The following FANCC variants were observed in gnomAD, a reference collection of about 807,000 sequenced individuals.
FANCC encodes FA complementation group C.
In FANCC, 55 loss-of-function variants were observed where a neutral mutation model predicts 71.3. The observed-to-expected ratio is 0.77, with a 90% CI of 0.62 to 0.97. The LOEUF (loss-of-function observed/expected upper bound fraction) is 0.97. Among genes scored for constraint, FANCC ranks in the 50% least tolerant of loss-of-function variants. The pLI is 0.00. For synonymous variants in FANCC, 275 were observed against 244.9 expected (o/e 1.12, Z -1.15); for missense variants, 678 against 670.9 (o/e 1.01, Z -0.12).
chr9:95,285,559 A>C (rs1262765231), intron 1 of FANCC, among the ~76,000 whole-genome samples: 1 of 152,202 alleles, frequency 6.6e-6, no homozygotes, highest in Non-Finnish European at 1.5e-5. Context: ...TTGACTATAA[A>C]ATCAGTGATT....
chr9:95,303,247 A>AT (rs1487462518), intron 1 of FANCC, among the ~76,000 whole-genome samples: 1 of 152,246 alleles, frequency 6.6e-6, no homozygotes, highest in African/African-American at 2.4e-5. Context: ...TTATATAATT[A>AT]AACGTACCTA....
intron 4 of FANCC, among the ~76,000 whole-genome samples, chr9:95,219,103 G>A (rs528345833): frequency 6.6e-6 from 1 of 152,146 alleles, no homozygotes; most frequent in African/African-American, 2.4e-5. Context: ...CTCAGAGTTC[G>A]GATGGGAATG....
chr9:95,288,845 A>G (rs972408161), intron 1 of FANCC, among the ~76,000 whole-genome samples: 27 of 151,586 alleles, frequency 1.8e-4, no homozygotes, highest in Non-Finnish European at 8.8e-5. Flanking sequence ...GTGTAACCCT[A>G]GTACTTAGGG....
chr9:95,149,379 C>T (rs1470158494), intron 7 of FANCC, among the ~76,000 whole-genome samples: 1 of 152,028 alleles, frequency 6.6e-6, no homozygotes, highest in Non-Finnish European at 1.5e-5. Context: ...TACAACAAAA[C>T]CCTATGACAT....
chr9:95,253,169 C>A (rs979495330), intron 1 of FANCC, among the ~76,000 whole-genome samples: 8 of 152,168 alleles, frequency 5.3e-5, no homozygotes, highest in African/African-American at 1.9e-4. Flanking sequence ...CCTCAATATG[C>A]TGCTCCACAA....
At position 95,294,087 on chromosome 9, in the gene FANCC, T is replaced by C. The variant is rs149055262; in HGVS notation, c.-79+23439A>G. 5.2e-5 allele frequency: 84 copies of C among 1,610,948 alleles called. 1 individual carries two copies. The Middle Eastern group carries it at 2.6e-3, about 51-fold the overall frequency. On this transcript the variant is annotated intron_variant, in intron 1 of 14. Transcript: ENST00000289081. ...TTCCTTCACAGAACATGACAGATAA[T>C]CAGACCCAAACCATAGATTTATTAA...
intron 4 of FANCC, among the ~76,000 whole-genome samples, chr9:95,229,988 A>T (rs949257829): frequency 3.9e-5 from 6 of 152,210 alleles, no homozygotes; most frequent in African/African-American, 1.4e-4. Flanking sequence ...TTACAACACA[A>T]AACAAAAAAG....
intron 8 of FANCC, among the ~76,000 whole-genome samples, chr9:95,129,690 A>C (rs1476096877): frequency 1.3e-5 from 2 of 152,158 alleles, no homozygotes; most frequent in Non-Finnish European, 2.9e-5. Context: ...CTGGCCTAAC[A>C]ATTTCCACAG....
intron 6 of FANCC, among the ~76,000 whole-genome samples, chr9:95,154,105 G>A (rs914981461): frequency 4.6e-5 from 7 of 151,850 alleles, no homozygotes; most frequent in South Asian, 4.2e-4. Context: ...AATTAGCCAG[G>A]CATGGTGGTG....
At chr9:95,160,956 C>A (rs1830713631) in intron 6 of FANCC, among the ~76,000 whole-genome samples, 1 of 152,236 alleles carries the variant, frequency 6.6e-6, no homozygotes, top group Admixed American at 6.5e-5. Flanking sequence ...TCTAAATATA[C>A]AATCATGTCA....
chr9:95,129,783 C>A (rs1005055634), intron 8 of FANCC, among the ~76,000 whole-genome samples: 1 of 152,134 alleles, frequency 6.6e-6, no homozygotes, highest in South Asian at 2.1e-4. Flanking sequence ...CTTATCTCCC[C>A]CCTCAGGCTT....
At chr9:95,244,512 T>TAG (rs1830824284) in intron 3 of FANCC, among the ~76,000 whole-genome samples, 1 of 151,804 alleles carries the variant, frequency 6.6e-6, no homozygotes, top group African/African-American at 2.4e-5. Flanking sequence ...ACCCCATCTC[T>TAG]AGTAAGAATA....
At chr9:95,151,394 A>G (rs986447172) in intron 6 of FANCC, among the ~76,000 whole-genome samples, 9 of 152,226 alleles carry the variant, frequency 5.9e-5, no homozygotes, top group Non-Finnish European at 1.2e-4. Context: ...GTAATTGTAA[A>G]TATAGAAATT....
chr9:95,118,295 A>G (rs1314187944), intron 10 of FANCC, among the ~76,000 whole-genome samples: 1 of 152,252 alleles, frequency 6.6e-6, no homozygotes, highest in Non-Finnish European at 1.5e-5. Flanking sequence ...CTGGGGTTAT[A>G]GTCATGAGCC....
intron 14 of FANCC, among the ~76,000 whole-genome samples, chr9:95,102,372 G>T (rs566134487): frequency 6.6e-6 from 1 of 152,184 alleles, no homozygotes; most frequent in Non-Finnish European, 1.5e-5. Flanking sequence ...TGATTCTTGC[G>T]GGAGAGCAGG....
At chr9:95,255,313 C>G (rs913991190) in intron 1 of FANCC, among the ~76,000 whole-genome samples, 1 of 152,110 alleles carries the variant, frequency 6.6e-6, no homozygotes, top group African/African-American at 2.4e-5. Flanking sequence ...AGAGCTCCGG[C>G]TGGCAACTGG....
intron 8 of FANCC, 146 bp from the exon 9 acceptor site, chr9:95,126,727 G>T: frequency 1.3e-6 from 1 of 786,346 alleles, no homozygotes; most frequent in South Asian, 1.5e-5. Flanking sequence ...AACCACTGCT[G>T]TACTGAAAAC....
chr9:95,099,753 C>T lies in FANCC; in HGVS notation c.*1954G>A, dbSNP rs1244880452. 1 of 232,450 alleles carries T rather than the reference C, an allele frequency of 4.3e-6. No homozygotes were observed. The highest frequency in any genetic ancestry group is 5.6e-5 in the Admixed American group (1 of 17,742). The allele number at this position is 232,450 out of a possible 1,614,324, so 14.4% of individuals were successfully genotyped here. On this transcript the variant is annotated 3_prime_UTR_variant, in exon 15 of 15. Transcript: ENST00000289081. ...ACCGGCAAGGCCGCCTCCACCGCACCCGTGAGAGGACTCGGCAGCTGTGAA... is the reference window on the plus strand; with the variant it reads ...ACCGGCAAGGCCGCCTCCACCGCACTCGTGAGAGGACTCGGCAGCTGTGAA...
intron 8 of FANCC, among the ~76,000 whole-genome samples, chr9:95,128,152 A>G (rs1334428175): frequency 6.6e-6 from 1 of 152,204 alleles, no homozygotes; most frequent in Non-Finnish European, 1.5e-5. Context: ...CTCACTGTAA[A>G]TAATAAAAGT....
Sources: gnomAD v4.1 joint callset for allele counts (sites outside exome capture counted in the v4.1 genomes callset) on GRCh38, gnomAD v4.1.1 for gene constraint, MANE v1.5 for transcripts, NCBI Gene and HGNC (gene_info 2026-07-23, HGNC 2026-07-21) for gene names.